The following PPP2CB variants were observed in gnomAD, a reference collection of about 807,000 sequenced individuals.
PPP2CB encodes the protein protein phosphatase 2 catalytic subunit beta.
PPP2CB carries 18 observed loss-of-function variants against 39.1 expected under a neutral mutation model. That is an observed-to-expected ratio of 0.46 (90% CI 0.32 to 0.68). The LOEUF (loss-of-function observed/expected upper bound fraction) is 0.68, where lower values mean the gene tolerates loss of function less well. Ranked by LOEUF, PPP2CB falls within the 30% of genes least tolerant of loss-of-function variation. The probability of loss-of-function intolerance (pLI) is 0.04; values close to 1 mark genes in which losing one functional copy is unlikely to be tolerated. For missense variants in PPP2CB, 226 were observed against 396.9 expected, an observed-to-expected ratio of 0.57 and a Z score of 3.66; for synonymous variants, 129 against 133.8, an observed-to-expected ratio of 0.96 and a Z score of 0.25.
chr8:30,791,504 T>C, intron 5 of PPP2CB, 189 bp from the exon 6 acceptor site: 2 of 485,774 alleles, frequency 4.1e-6, no homozygotes, highest in Non-Finnish European at 7.1e-6. Context: ...TTCGTGGGCC[T>C]AGGAGTCTGT....
chr8:30,811,731 G>A (rs954671248), intron 1 of PPP2CB, among the ~76,000 whole-genome samples: 3 of 151,926 alleles, frequency 2.0e-5, no homozygotes, highest in Non-Finnish European at 4.4e-5. Context: ...CTAACTCCTG[G>A]GCTCAAGCAA....
Position 30,802,332 on chromosome 8 carries a change from C to G in PPP2CB, c.103-2577G>C, listed in dbSNP as rs1462992749. On this transcript the variant is annotated intron_variant, in intron 1 of 6. Coordinates refer to ENST00000221138, the MANE Select transcript of PPP2CB (RefSeq NM_001009552.2). ...AAAACAGCTCCCAATACACCACAAA[C>G]ATTCTGCACACCACATATTTTTTGC... is the stretch of plus-strand genomic sequence containing the variant. 7.2e-5 allele frequency among the ~76,000 whole-genome samples: 11 copies of G among 152,138 alleles called. No homozygotes were observed. In the East Asian group the frequency reaches 2.1e-3, roughly 29 times the overall value.
At position 30,785,686 on chromosome 8, in the gene PPP2CB, T is replaced by C. The variant is rs576620527; in HGVS notation, c.*549A>G. ...GATGCAAGCACTGTCATGACAAATATACAGAAATATGCAGATCAACATAAA... is the reference window on the plus strand; with the variant it reads ...GATGCAAGCACTGTCATGACAAATACACAGAAATATGCAGATCAACATAAA... On this transcript the variant is annotated 3_prime_UTR_variant, in exon 7 of 7. Coordinates refer to ENST00000221138, the MANE Select transcript of PPP2CB (RefSeq NM_001009552.2). The C allele has an allele frequency of 5.0e-6, 1 of 200,002 alleles. No homozygotes were observed. Among genetic ancestry groups the C allele is most frequent in the Non-Finnish European group, 1.0e-5 (1 of 96,936 alleles). 12.4% of individuals were successfully genotyped at this position (200,002 alleles called of 1,614,324 possible).
intron 1 of PPP2CB, among the ~76,000 whole-genome samples, chr8:30,809,247 C>T (rs1210636618): frequency 2.0e-5 from 3 of 151,850 alleles, no homozygotes; most frequent in Non-Finnish European, 4.4e-5. Flanking sequence ...ACAACCAACC[C>T]GGGAGGATTG....
In PPP2CB at chr8:30,796,843, T is replaced by A. The variant is rs59850391; in HGVS notation, c.486+738A>T. Among the ~76,000 whole-genome samples, 734 of 152,286 alleles carry A rather than the reference T, an allele frequency of 4.8e-3. 3 individuals carry two copies. The highest frequency in any genetic ancestry group is 0.017 in the Middle Eastern group (5 of 294). Reference sequence around the variant, plus strand: ...AGCAAATGCAGAAATAGCATTTGCTTCTATTTTCTTTTTTTGTTCTTTGAG... The same window carrying A: ...AGCAAATGCAGAAATAGCATTTGCTACTATTTTCTTTTTTTGTTCTTTGAG... On this transcript the variant is annotated intron_variant, in intron 3 of 6. Transcript: ENST00000221138.
At chr8:30,788,416 C>T (rs1294983736) in intron 6 of PPP2CB, among the ~76,000 whole-genome samples, 1 of 152,084 alleles carries the variant, frequency 6.6e-6, no homozygotes, top group Non-Finnish European at 1.5e-5. Context: ...GTGCTTGGCA[C>T]CATACCTGGC....
intron 1 of PPP2CB, among the ~76,000 whole-genome samples, chr8:30,803,257 A>C (rs1235559568): frequency 1.3e-5 from 2 of 152,088 alleles, no homozygotes; most frequent in Non-Finnish European, 2.9e-5. Flanking sequence ...GAAAGCACAA[A>C]GGAGGCCGGG....
intron 1 of PPP2CB, among the ~76,000 whole-genome samples, chr8:30,806,305 T>C (rs1440582085): frequency 1.3e-5 from 2 of 151,854 alleles, no homozygotes; most frequent in Non-Finnish European, 2.9e-5. Flanking sequence ...CCGCCTGCCT[T>C]GGCCTCCCAA....
rs924318677 is a variant in PPP2CB at position 30,812,727 on chromosome 8, G to T, written c.-306C>A. On this transcript the variant is annotated 5_prime_UTR_variant, in exon 1 of 7. Transcript: ENST00000221138. ...CCGGGGAGCGCGGCGCGGGTCCTCGGCCTAGCTCTCGCCGGACGAAGGCCG... is the reference window on the plus strand; with the variant it reads ...CCGGGGAGCGCGGCGCGGGTCCTCGTCCTAGCTCTCGCCGGACGAAGGCCG... The T allele has an allele frequency of 2.1e-4, 100 of 479,044 alleles. No individual in the cohort carries two copies. The highest frequency in any genetic ancestry group is 3.8e-4 in the Non-Finnish European group (92 of 243,756). 29.7% of individuals were successfully genotyped at this position (479,044 alleles called of 1,614,324 possible).
At chr8:30,796,330 T>C (rs1031100575) in intron 3 of PPP2CB, among the ~76,000 whole-genome samples, 2 of 152,170 alleles carry the variant, frequency 1.3e-5, no homozygotes, top group Non-Finnish European at 2.9e-5. Context: ...TCTTGACAAC[T>C]CTGGGCTTTC....
chr8:30,812,220 G>T, intron 1 of PPP2CB, 100 bp downstream of exon 1: 1 of 846,054 alleles, frequency 1.2e-6, no homozygotes, highest in Non-Finnish European at 1.5e-6. Flanking sequence ...GGCCCCCGGT[G>T]GGCCGCGCCG....
Position 30,797,582 on chromosome 8 carries a change from T to C in PPP2CB, c.485A>G (p.Gln162Arg), listed in dbSNP as rs753832506. The C allele has an allele frequency of 4.3e-6, 7 of 1,611,154 alleles. No homozygotes were observed. The highest frequency in any genetic ancestry group is 4.2e-6 in the Non-Finnish European group (5 of 1,177,670). ...AGATGTAAGCACACATATACATACC[T>C]GTCCATCTACTAAAGCTGTAAGTGG... The part of the protein sequence containing the change: ...YLPLTALVDG[Q>R]IFCLHGGLSP... The change falls in exon 3 of 7, where the codon CAG becomes CGG. Residue 162 changes from glutamine to arginine, a missense_variant and splice_region_variant. By Grantham distance (43) the Gln-to-Arg change is conservative. Transcript: ENST00000221138.
Position 30,809,709 on chromosome 8 carries a change from G to C in PPP2CB, c.102+2611C>G, listed in dbSNP as rs188077202. Among the ~76,000 whole-genome samples the C allele has an allele frequency of 4.0e-3, 614 of 152,308 alleles. 18 individuals carry two copies. The highest frequency in any genetic ancestry group is 0.035 in the Admixed American group (539 of 15,298). The stretch of plus-strand genomic sequence containing the variant: ...CAATCCCTGCACTTTGGGAGGCCAA[G>C]GCGGGAGGATCACTTGAGCCCGAGA... On this transcript the variant is annotated intron_variant, in intron 1 of 6. Coordinates refer to ENST00000221138, the MANE Select transcript of PPP2CB (RefSeq NM_001009552.2).
chr8:30,804,819 C>A (rs929066836), intron 1 of PPP2CB, among the ~76,000 whole-genome samples: 31 of 152,082 alleles, frequency 2.0e-4, no homozygotes, highest in African/African-American at 7.0e-4. Context: ...TTCTAACTCT[C>A]GCAAAATCCT....
At chr8:30,808,518 A>C (rs1413408321) in intron 1 of PPP2CB, among the ~76,000 whole-genome samples, 1 of 152,218 alleles carries the variant, frequency 6.6e-6, no homozygotes, top group Non-Finnish European at 1.5e-5. Context: ...GTATTTTTAA[A>C]AAACCCAAAA....
Position 30,812,641 on chromosome 8 carries a change from C to A in PPP2CB, c.-220G>T. The stretch of plus-strand genomic sequence containing the variant: ...CGAGCGCGCAGCCTGGAGGAGACCC[C>A]CGCCCGCCCTTCCCCGCCCGGCCGC... On this transcript the variant is annotated 5_prime_UTR_variant, in exon 1 of 7. Coordinates refer to ENST00000221138, the MANE Select transcript of PPP2CB (RefSeq NM_001009552.2). 5.2e-6 allele frequency: 2 copies of A among 386,648 alleles called. No homozygotes were observed. Among genetic ancestry groups the A allele is most frequent in the South Asian group, 2.9e-5 (1 of 33,924 alleles). 24.0% of individuals were successfully genotyped at this position (386,648 alleles called of 1,614,324 possible).
At chr8:30,796,389 T>G (rs752596067) in intron 3 of PPP2CB, among the ~76,000 whole-genome samples, 33 of 152,316 alleles carry the variant, frequency 2.2e-4, no homozygotes, top group Admixed American at 4.6e-4. Flanking sequence ...ATTTATTTAT[T>G]TTATTTTTTG....
intron 1 of PPP2CB, 122 bp downstream of exon 1, chr8:30,812,198 C>T (rs1166043083): frequency 1.6e-6 from 1 of 612,406 alleles, no homozygotes; most frequent in East Asian, 4.8e-5. Context: ...GAGCCGGACC[C>T]ACAGCCCCGC....
chr8:30,796,639 T>G (rs1241414425), intron 3 of PPP2CB, among the ~76,000 whole-genome samples: 1 of 152,184 alleles, frequency 6.6e-6, no homozygotes, highest in Non-Finnish European at 1.5e-5. Flanking sequence ...TCCACCCACC[T>G]TGGCCTCCTA....
Sources: gnomAD v4.1 joint callset for allele counts (sites outside exome capture counted in the v4.1 genomes callset) on GRCh38, gnomAD v4.1.1 for gene constraint, MANE v1.5 for transcripts, NCBI Gene and HGNC (gene_info 2026-07-23, HGNC 2026-07-21) for gene names.